The following RNF220 variants were observed in gnomAD, a reference collection of about 807,000 sequenced individuals.
RNF220 encodes ring finger protein 220.
In RNF220, 7 loss-of-function variants were observed where a neutral mutation model predicts 67.1. The observed-to-expected ratio is 0.10, with a 90% confidence interval of 0.06 to 0.20. The LOEUF (loss-of-function observed/expected upper bound fraction) is 0.20, where lower values mean the gene tolerates loss of function less well. RNF220 is among the 10% of genes least tolerant of loss of function. RNF220 has a pLI of 1.00. For synonymous variants in RNF220, 270 were observed against 283.2 expected, an observed-to-expected ratio of 0.95 and a Z score of 0.47; for missense variants, 565 against 740.3, an observed-to-expected ratio of 0.76 and a Z score of 2.75.
At chr1:44,598,182 G>A (rs1666668247) in intron 2 of RNF220, among the ~76,000 whole-genome samples, 1 of 152,024 alleles carries the variant, frequency 6.6e-6, no homozygotes. Flanking sequence ...GGGAAACAGG[G>A]AGGGGGCTAA....
intron 2 of RNF220, among the ~76,000 whole-genome samples, chr1:44,450,966 G>A (rs768668568): frequency 2.0e-5 from 3 of 152,186 alleles, no homozygotes; most frequent in East Asian, 3.9e-4. Context: ...GGCGGATCAC[G>A]AGGTCAGGAG....
intron 5 of RNF220, 192 bp from the exon 6 acceptor site, chr1:44,632,151 G>C: frequency 1.3e-6 from 2 of 1,544,740 alleles, no homozygotes; most frequent in East Asian, 2.5e-5. Context: ...AGCGCCCGGC[G>C]GCTATGCCGA....
chr1:44,491,927 G>A (rs1220800984), intron 2 of RNF220, among the ~76,000 whole-genome samples: 1 of 152,164 alleles, frequency 6.6e-6, no homozygotes, highest in Non-Finnish European at 1.5e-5. Flanking sequence ...GCCTCCCAAA[G>A]TGCTGGAATT....
Position 44,636,209 on chromosome 1 carries a change from C to T in RNF220, c.1126+47C>T, listed in dbSNP as rs1325987902. Reference sequence around the variant, plus strand: ...ACATTGGCACTCTGGTGCCAGGCCTCTGCTGGGTATCCATCTGCTGGAAGC... The same window carrying T: ...ACATTGGCACTCTGGTGCCAGGCCTTTGCTGGGTATCCATCTGCTGGAAGC... On this transcript the variant is annotated intron_variant, in intron 8 of 14. Transcript: ENST00000361799. 1.9e-6 allele frequency: 3 copies of T among 1,570,162 alleles called. 1 individual carries two copies. In the South Asian group the frequency reaches 3.6e-5, roughly 19 times the overall value.
At chr1:44,557,519 C>T (rs1420533875) in intron 2 of RNF220, among the ~76,000 whole-genome samples, 4 of 152,142 alleles carry the variant, frequency 2.6e-5, no homozygotes, top group African/African-American at 9.7e-5. Flanking sequence ...ATAGTAGGCA[C>T]TCTGAACTGA....
chr1:44,512,051 G>A (rs1051416856), intron 2 of RNF220, among the ~76,000 whole-genome samples: 3 of 152,174 alleles, frequency 2.0e-5, no homozygotes, highest in African/African-American at 4.8e-5. Flanking sequence ...ACAAGTGGCT[G>A]TTGTTAAAAC....
intron 2 of RNF220, among the ~76,000 whole-genome samples, chr1:44,573,477 C>T (rs1031977436): frequency 4.6e-5 from 7 of 152,188 alleles, no homozygotes. Context: ...GGAAACCTAG[C>T]AGTGGGCATC....
chr1:44,647,114 G>A (rs909934051), intron 12 of RNF220, among the ~76,000 whole-genome samples: 2 of 152,208 alleles, frequency 1.3e-5, no homozygotes, highest in Admixed American at 6.5e-5. Flanking sequence ...TGTAGCTCTT[G>A]GAGATGGCAT....
chr1:44,418,277 G>A (rs1648806500), intron 2 of RNF220, among the ~76,000 whole-genome samples: 1 of 152,192 alleles, frequency 6.6e-6, no homozygotes, highest in Non-Finnish European at 1.5e-5. Flanking sequence ...GAGGTTGGGG[G>A]AGCAGGGCGC....
chr1:44,522,189 A>G (rs777446279), intron 2 of RNF220, among the ~76,000 whole-genome samples: 3 of 152,232 alleles, frequency 2.0e-5, no homozygotes. Flanking sequence ...GGGAAGCTCC[A>G]TCACATGATG....
At chr1:44,583,215 G>GATATATATATATATATATATAT (rs35343175) in intron 2 of RNF220, among the ~76,000 whole-genome samples, 115 of 149,020 alleles carry the variant, frequency 7.7e-4, no homozygotes, top group African/African-American at 2.7e-3. Context: ...TCCAGAAGCA[G>GATATATATATATATATATATAT]ATATATATAT....
chr1:44,503,083 C>T (rs1658073186), intron 2 of RNF220, among the ~76,000 whole-genome samples: 1 of 152,118 alleles, frequency 6.6e-6, no homozygotes, highest in South Asian at 2.1e-4. Context: ...CCTATAATCC[C>T]AGCACTTTTG....
At chr1:44,524,760 G>A (rs1167528569) in intron 2 of RNF220, among the ~76,000 whole-genome samples, 2 of 152,034 alleles carry the variant, frequency 1.3e-5, no homozygotes, top group African/African-American at 4.8e-5. Context: ...ACCGCTAATC[G>A]CATTACTGCC....
intron 2 of RNF220, among the ~76,000 whole-genome samples, chr1:44,546,533 G>T (rs1216092790): frequency 6.6e-6 from 1 of 152,186 alleles, no homozygotes; most frequent in African/African-American, 2.4e-5. Context: ...CAGACGTCTG[G>T]CTGTACAGGG....
chr1:44,562,489 C>T (rs192543836), intron 2 of RNF220, among the ~76,000 whole-genome samples: 2 of 152,306 alleles, frequency 1.3e-5, no homozygotes, highest in East Asian at 3.9e-4. Context: ...CTTTAACAAG[C>T]ATCCATAGGT....
chr1:44,443,819 G>A (rs1031687331), intron 2 of RNF220, among the ~76,000 whole-genome samples: 8 of 152,180 alleles, frequency 5.3e-5, no homozygotes, highest in Non-Finnish European at 8.8e-5. Context: ...AGCCAGGCAC[G>A]GTGGCTCACA....
intron 2 of RNF220, among the ~76,000 whole-genome samples, chr1:44,473,438 G>C (rs1479085591): frequency 7.6e-6 from 1 of 131,144 alleles, no homozygotes; most frequent in Non-Finnish European, 1.5e-5. Context: ...CCCATCACAG[G>C]ACAGTGTAGA....
At position 44,417,609 on chromosome 1, in the gene RNF220, A is replaced by G. The variant is rs915338875; in HGVS notation, c.625+4887A>G. 6.6e-6 allele frequency among the ~76,000 whole-genome samples: 1 copy of G among 152,144 alleles called. No homozygotes were observed. The highest frequency in any genetic ancestry group is 6.5e-5 in the Admixed American group (1 of 15,286). On this transcript the variant is annotated intron_variant, in intron 2 of 14. Transcript: ENST00000361799. The surrounding 1 kb of genome is among the most constrained non-coding windows in gnomAD (Gnocchi z 4.0). ...TAATCACCATGGTGAGAAAACGGAC[A>G]CCGCAGCCGTCCTCCCTCCTCGCCC...
chr1:44,507,949 G>T (rs1266253205), intron 2 of RNF220, among the ~76,000 whole-genome samples: 1 of 152,196 alleles, frequency 6.6e-6, no homozygotes, highest in East Asian at 1.9e-4. Flanking sequence ...TGGGGCGGGA[G>T]GCGATGGAGT....
Sources: allele counts gnomAD v4.1 joint callset (sites outside exome capture counted in the v4.1 genomes callset), GRCh38; gene constraint gnomAD v4.1.1; non-coding constraint Gnocchi (gnomAD v3.1); transcripts MANE v1.5; gene names NCBI Gene and HGNC (gene_info 2026-07-23, HGNC 2026-07-21).